TRPC4AP: variants seen among roughly 807,000 people sequenced by gnomAD.
TRPC4AP encodes the protein short transient receptor potential channel 4-associated protein.
TRPC4AP carries 45 observed loss-of-function variants against 99.0 expected under a neutral mutation model. The ratio of observed to expected loss-of-function variants is 0.45; its 90% CI spans 0.36 to 0.58. The LOEUF is 0.58. Among genes scored for constraint, TRPC4AP ranks in the 20% least tolerant of loss-of-function variants. TRPC4AP has a pLI of 0.00. For missense variants in TRPC4AP, 879 were observed against 985.3 expected, an observed-to-expected ratio of 0.89 and a Z score of 1.44; for synonymous variants, 408 against 385.8, an observed-to-expected ratio of 1.06 and a Z score of -0.67.
intron 6 of TRPC4AP, among the ~76,000 whole-genome samples, chr20:35,046,744 A>G (rs564101036): frequency 2.9e-4 from 44 of 152,168 alleles, no homozygotes; most frequent in African/African-American, 9.4e-4. Context: ...AGCTACTACT[A>G]TTATTGGCAA....
chr20:35,081,494 C>G (rs1307650075), intron 1 of TRPC4AP, among the ~76,000 whole-genome samples: 1 of 151,128 alleles, frequency 6.6e-6, no homozygotes, highest in East Asian at 1.9e-4. Context: ...GCCCGGGCAA[C>G]AGAATGCAAC....
In TRPC4AP at chr20:35,021,313, G is replaced by T. The variant is rs1192502932; in HGVS notation, c.1095C>A (p.Gly365=). ...GGGTTCTGGCTGACGTGTGAGGCAG[G>T]CCATTCTCCTCAGAAGCCCCTGGAG... ...FPPPGASEEN[G]LPHTSARTQL... is the part of the protein sequence containing the mutation. Residue 365 remains glycine, a synonymous_variant, in exon 9 of 19, where the codon GGC becomes GGA. Coordinates refer to ENST00000252015, the MANE Select transcript of TRPC4AP (RefSeq NM_015638.3). 6.2e-7 allele frequency: 1 copy of T among 1,614,076 alleles called. No individual in the cohort carries two copies. Among genetic ancestry groups the T allele is most frequent in the African/African-American group, 1.3e-5 (1 of 74,928 alleles).
At chr20:35,071,991 A>G (rs940319112) in intron 2 of TRPC4AP, among the ~76,000 whole-genome samples, 2 of 152,166 alleles carry the variant, frequency 1.3e-5, no homozygotes, top group Non-Finnish European at 2.9e-5. Context: ...CTAGTGTGAG[A>G]TGGTATCTCA....
chr20:35,074,227 GATTC>G (rs2084407165), intron 2 of TRPC4AP, among the ~76,000 whole-genome samples: 1 of 152,098 alleles, frequency 6.6e-6, no homozygotes, highest in African/African-American at 2.4e-5. Context: ...CGAGCTTCTG[GATTC>G]ATTGATTTTT....
chr20:35,041,368 T>G (rs943650008), intron 7 of TRPC4AP, among the ~76,000 whole-genome samples: 1 of 151,780 alleles, frequency 6.6e-6, no homozygotes, highest in Non-Finnish European at 1.5e-5. Context: ...GGGAATGGAG[T>G]AGGAATTATG....
intron 3 of TRPC4AP, among the ~76,000 whole-genome samples, chr20:35,068,958 C>CACACA (rs372315048): frequency 0.22 from 16,945 of 77,488 alleles, 1,305 homozygotes; most frequent in Middle Eastern, 0.3. Context: ...CACACACACA[C>CACACA]ACACACACAC....
At chr20:35,021,488 A>G in intron 8 of TRPC4AP, 132 bp from the exon 9 acceptor site, 1 of 1,020,170 alleles carries the variant, frequency 9.8e-7, no homozygotes, top group Middle Eastern at 3.3e-4. Flanking sequence ...ACAGACTCTG[A>G]AAGCTGCAAA....
chr20:35,041,745 G>A (rs2083450366), intron 7 of TRPC4AP, among the ~76,000 whole-genome samples: 1 of 152,138 alleles, frequency 6.6e-6, no homozygotes, highest in Admixed American at 6.5e-5. Flanking sequence ...CCTTAAATGG[G>A]AAACTAAAAG....
chr20:35,038,631 C>T (rs1025383858), intron 7 of TRPC4AP, among the ~76,000 whole-genome samples: 2 of 152,080 alleles, frequency 1.3e-5, no homozygotes, highest in Admixed American at 6.6e-5. Flanking sequence ...CCCTCCTTCC[C>T]CCGTCCCATG....
intron 3 of TRPC4AP, among the ~76,000 whole-genome samples, chr20:35,068,879 C>A (rs1013933992): frequency 2.0e-5 from 3 of 150,596 alleles, no homozygotes; most frequent in African/African-American, 7.4e-5. Context: ...AATAGTGTAG[C>A]CGTGTATATG....
rs764577330 is a variant in TRPC4AP, at chr20:35,013,093, T to C, written c.1351-27A>G. On this transcript the variant is annotated intron_variant, in intron 10 of 18. Transcript: ENST00000252015. ...TGAAACACATGCACAGCCTCAATGT[T>C]AGGACCACAGCCACAAGGTTCCAAA... is the stretch of plus-strand genomic sequence containing the variant. 2.5e-6 allele frequency: 4 copies of C among 1,613,142 alleles called. No homozygotes were observed. The Admixed American group carries it at 5.0e-5, about 20-fold the overall frequency.
chr20:35,085,486 G>A (rs989976687), intron 1 of TRPC4AP, among the ~76,000 whole-genome samples: 6 of 151,782 alleles, frequency 4.0e-5, no homozygotes, highest in South Asian at 2.1e-4. Flanking sequence ...GGTGGCATGC[G>A]CCTATAGTCC....
intron 5 of TRPC4AP, among the ~76,000 whole-genome samples, chr20:35,051,680 T>C (rs2147380714): frequency 6.7e-6 from 1 of 149,626 alleles, no homozygotes; most frequent in African/African-American, 2.5e-5. Context: ...GGCTATGATA[T>C]GTGAAACAGG....
At chr20:35,059,775 C>T (rs572019342) in intron 3 of TRPC4AP, among the ~76,000 whole-genome samples, 5 of 137,830 alleles carry the variant, frequency 3.6e-5, no homozygotes, top group Admixed American at 1.4e-4. Context: ...ACGACGAAGA[C>T]AAAGAAGATG....
At chr20:35,091,151 C>A (rs1395170690) in intron 1 of TRPC4AP, among the ~76,000 whole-genome samples, 1 of 151,852 alleles carries the variant, frequency 6.6e-6, no homozygotes, top group Non-Finnish European at 1.5e-5. Flanking sequence ...CACACCACCA[C>A]CATGCCCGGC....
intron 14 of TRPC4AP, among the ~76,000 whole-genome samples, chr20:35,007,153 C>T (rs927065832): frequency 2.0e-5 from 3 of 152,174 alleles, no homozygotes; most frequent in Admixed American, 6.5e-5. Context: ...TTTTATAATT[C>T]GTGGGTCAGT....
intron 8 of TRPC4AP, among the ~76,000 whole-genome samples, chr20:35,024,452 ATGTTTTCAAG>A (rs1490281956): frequency 4.6e-5 from 7 of 152,148 alleles, no homozygotes; most frequent in African/African-American, 1.7e-4. Flanking sequence ...ACCTAGTACA[ATGTTTTCAAG>A]GTTTATCCAT....
At chr20:35,049,012 C>T in intron 6 of TRPC4AP, among the ~76,000 whole-genome samples, 1 of 152,152 alleles carries the variant, frequency 6.6e-6, no homozygotes, top group East Asian at 1.9e-4. Context: ...TGCACATGAA[C>T]ATCCACCTCC....
At chr20:35,035,068 T>A in intron 8 of TRPC4AP, 55 bp downstream of exon 8, 1 of 1,542,332 alleles carries the variant, frequency 6.5e-7, no homozygotes, top group Non-Finnish European at 8.8e-7. Flanking sequence ...GCAAGAATGG[T>A]CCCAGGCGCC....
Sources: allele counts gnomAD v4.1 joint callset (sites outside exome capture counted in the v4.1 genomes callset), GRCh38; gene constraint gnomAD v4.1.1; transcripts MANE v1.5; gene names NCBI Gene and HGNC (gene_info 2026-07-23, HGNC 2026-07-21).